The following TTBK2 variants were observed in gnomAD, a reference collection of about 807,000 sequenced individuals.
TTBK2 encodes the protein tau tubulin kinase 2, also known as tau-tubulin kinase 2.
TTBK2 carries 28 observed loss-of-function variants against 110.8 expected under a neutral mutation model. The ratio of observed to expected loss-of-function variants is 0.25; its 90% confidence interval spans 0.19 to 0.35. TTBK2 has a LOEUF of 0.35. Ranked by LOEUF, TTBK2 falls within the 10% of genes least tolerant of loss-of-function variation. The probability of loss-of-function intolerance (pLI) is 1.00; values close to 1 mark genes in which losing one functional copy is unlikely to be tolerated. For missense variants in TTBK2, 1,369 were observed against 1,500.3 expected, an observed-to-expected ratio of 0.91 and a Z score of 1.45; for synonymous variants, 532 against 527.3, an observed-to-expected ratio of 1.01 and a Z score of -0.12.
chr15:42,864,951 G>A (rs1894307990), intron 3 of TTBK2, among the ~76,000 whole-genome samples: 1 of 152,214 alleles, frequency 6.6e-6, no homozygotes, highest in East Asian at 1.9e-4. Context: ...GCTTATGTAT[G>A]CTGAATATAT....
At chr15:42,789,464 C>A (rs987104631) in intron 10 of TTBK2, among the ~76,000 whole-genome samples, 4 of 151,910 alleles carry the variant, frequency 2.6e-5, no homozygotes, top group African/African-American at 4.8e-5. Flanking sequence ...TCGGGTGTAG[C>A]GGCTCATGCC....
intron 13 of TTBK2, among the ~76,000 whole-genome samples, chr15:42,770,694 G>C (rs1264651841): frequency 6.6e-6 from 1 of 152,190 alleles, no homozygotes; most frequent in Non-Finnish European, 1.5e-5. Flanking sequence ...GTCAGACAGA[G>C]GACATTTGGC....
At chr15:42,915,001 A>G (rs1045573603) in intron 1 of TTBK2, among the ~76,000 whole-genome samples, 8 of 152,112 alleles carry the variant, frequency 5.3e-5, no homozygotes, top group Non-Finnish European at 8.8e-5. Context: ...TAAATCTCCA[A>G]CCCCTAGCAC....
intron 7 of TTBK2, among the ~76,000 whole-genome samples, chr15:42,813,432 G>C (rs1475715203): frequency 6.6e-6 from 1 of 152,102 alleles, no homozygotes; most frequent in Non-Finnish European, 1.5e-5. Flanking sequence ...TGAGGTGGGA[G>C]GGCTGCTTGA....
At chr15:42,859,766 T>G (rs893498361) in intron 3 of TTBK2, among the ~76,000 whole-genome samples, 13 of 152,176 alleles carry the variant, frequency 8.5e-5, no homozygotes, top group African/African-American at 2.7e-4. Flanking sequence ...ATGGCAGGGA[T>G]GTTGAAACAA....
At chr15:42,881,727 C>T (rs930426743) in intron 1 of TTBK2, among the ~76,000 whole-genome samples, 11 of 151,572 alleles carry the variant, frequency 7.3e-5, no homozygotes, top group African/African-American at 1.5e-4. Flanking sequence ...CAAAAATTAG[C>T]GGGCGTGGTA....
chr15:42,860,568 C>T (rs1330540411), intron 3 of TTBK2, among the ~76,000 whole-genome samples: 2 of 151,332 alleles, frequency 1.3e-5, no homozygotes, highest in Non-Finnish European at 2.9e-5. Flanking sequence ...CTCCTTGAGC[C>T]CAGGAGTTCA....
chr15:42,750,492 G>C (rs7166775), intron 14 of TTBK2, among the ~76,000 whole-genome samples: 1 of 151,686 alleles, frequency 6.6e-6, no homozygotes, highest in Non-Finnish European at 1.5e-5. Context: ...ATGGATTCGA[G>C]AGCAGATTTG....
intron 1 of TTBK2, among the ~76,000 whole-genome samples, chr15:42,910,380 T>C (rs2141209762): frequency 6.6e-6 from 1 of 152,118 alleles, no homozygotes; most frequent in South Asian, 2.1e-4. Context: ...CCTAATAGAG[T>C]ACACATTTCT....
chr15:42,742,455 AAAATT>A lies in TTBK2; in HGVS notation c.*3335_*3339del, dbSNP rs1396730097. ...TTTCCTTCTTTGTTCACTATACACT[AAAATT>A]AAACGCCTCTACGCTGTGCAAGAAA... On this transcript the variant is annotated 3_prime_UTR_variant, in exon 15 of 15. Coordinates refer to ENST00000267890, the MANE Select transcript of TTBK2 (RefSeq NM_173500.4). 3.3e-5 allele frequency: 5 copies of A among 152,328 alleles called. No homozygotes were observed. Among genetic ancestry groups the A allele is most frequent in the African/African-American group, 7.2e-5 (3 of 41,570 alleles). 9.4% of individuals were successfully genotyped at this position (152,328 alleles called of 1,614,324 possible).
intron 1 of TTBK2, among the ~76,000 whole-genome samples, chr15:42,884,534 T>C (rs184834124): frequency 6.6e-6 from 1 of 152,332 alleles, no homozygotes; most frequent in African/African-American, 2.4e-5. Context: ...TCTGGGATTT[T>C]GTTAATGAGG....
intron 13 of TTBK2, among the ~76,000 whole-genome samples, chr15:42,765,657 G>A (rs1263888798): frequency 1.3e-5 from 2 of 152,220 alleles, no homozygotes; most frequent in Non-Finnish European, 2.9e-5. Context: ...GTACCTGAAA[G>A]TGATGGGGAG....
chr15:42,907,966 G>A (rs2030512221), intron 1 of TTBK2, among the ~76,000 whole-genome samples: 1 of 151,808 alleles, frequency 6.6e-6, no homozygotes, highest in African/African-American at 2.4e-5. Context: ...TGTGCCTGTG[G>A]TCCCAGCTAC....
chr15:42,900,841 CT>C (rs1193644580), intron 1 of TTBK2, among the ~76,000 whole-genome samples: 1 of 151,996 alleles, frequency 6.6e-6, no homozygotes, highest in Non-Finnish European at 1.5e-5. Flanking sequence ...AGAAGGAAAA[CT>C]TTTTAAAAGC....
intron 3 of TTBK2, among the ~76,000 whole-genome samples, chr15:42,846,483 T>G (rs1329722805): frequency 2.6e-5 from 4 of 152,024 alleles, no homozygotes; most frequent in Non-Finnish European, 4.4e-5. Context: ...TGCCCAGCCT[T>G]TTTCCTAATA....
chr15:42,833,903 C>T (rs918341620), intron 4 of TTBK2, among the ~76,000 whole-genome samples: 12 of 151,888 alleles, frequency 7.9e-5, no homozygotes, highest in South Asian at 2.1e-4. Context: ...CCAGGCTACT[C>T]GGGAGGCTGA....
intron 1 of TTBK2, among the ~76,000 whole-genome samples, chr15:42,879,720 G>C (rs960296986): frequency 6.6e-6 from 1 of 151,980 alleles, no homozygotes; most frequent in Non-Finnish European, 1.5e-5. Flanking sequence ...AAACAGGCCA[G>C]GAGTGGTAGC....
chr15:42,752,586 T>A lies in TTBK2; in HGVS notation c.2660A>T (p.Glu887Val). The change falls in exon 14 of 15, where the codon GAA becomes GTA. Residue 887 changes from glutamate (E) to valine (V), a missense_variant. Glu to Val is a moderately radical substitution (Grantham distance 121, BLOSUM62 -2). This residue lies in a region of TTBK2 where 1,097 missense variants were observed against 1,114.7 expected (regional missense o/e 0.98). Transcript: ENST00000267890. ...KISKDDDIMS[E>V]DLPGHQGDLS... is the part of the protein sequence containing the mutation. The stretch of plus-strand genomic sequence containing the variant: ...GTCTCCTTGATGACCTGGCAAGTCT[T>A]CACTCATGATGTCATCATCCTTAGA... 1 of 1,614,202 alleles carries A rather than the reference T, an allele frequency of 6.2e-7. No individual in the cohort carries two copies. Among genetic ancestry groups the A allele is most frequent in the Non-Finnish European group, 8.5e-7 (1 of 1,180,046 alleles).
At chr15:42,799,622 G>A (rs1234460891) in intron 9 of TTBK2, among the ~76,000 whole-genome samples, 1 of 151,986 alleles carries the variant, frequency 6.6e-6, no homozygotes, top group Non-Finnish European at 1.5e-5. Context: ...TTTTAGTAGA[G>A]ACAGGGTTTT....
Sources: gnomAD v4.1 joint callset for allele counts (sites outside exome capture counted in the v4.1 genomes callset) on GRCh38, gnomAD v4.1.1 for gene constraint, gnomAD v4.1.1 regional missense constraint, MANE v1.5 for transcripts, NCBI Gene and HGNC (gene_info 2026-07-23, HGNC 2026-07-21) for gene names.